Variants in SPATA9 observed in about 807,000 individuals in gnomAD.
SPATA9 encodes spermatogenesis associated 9.
SPATA9 carries 27 observed loss-of-function variants against 25.5 expected under a neutral mutation model. That is an observed-to-expected ratio of 1.06 (90% CI 0.78 to 1.46). The LOEUF is 1.46. Among genes scored for constraint, SPATA9 ranks in the 40% most tolerant of loss-of-function variants. SPATA9 has a pLI of 0.00. For missense variants in SPATA9, 282 were observed against 297.5 expected (o/e 0.95, Z 0.38); for synonymous variants, 102 against 105.7 (o/e 0.97, Z 0.21).
the SPATA9 span, among the ~76,000 whole-genome samples, chr5:95,720,625 T>C: frequency 1.3e-5 from 2 of 151,996 alleles, no homozygotes; most frequent in East Asian, 3.9e-4. Flanking sequence ...CAAAGTAAAC[T>C]CTGCTTTTTT....
chr5:95,659,168 A>G, intron 4 of SPATA9: 1 of 350,180 alleles, frequency 2.9e-6, no homozygotes, highest in Non-Finnish European at 5.1e-6. Context: ...TTTTCCCCCC[A>G]ATTCATTAGC....
downstream of SPATA9, chr5:95,656,661 A>G (rs1750784176): frequency 6.2e-6 from 1 of 161,634 alleles, no homozygotes; most frequent in Non-Finnish European, 1.3e-5. Context: ...AATTTTTAAA[A>G]TAGGAAAAAA....
At chr5:95,692,380 A>G (rs1753916114) in intron 1 of SPATA9, among the ~76,000 whole-genome samples, 2 of 152,154 alleles carry the variant, frequency 1.3e-5, no homozygotes, top group Non-Finnish European at 2.9e-5. Flanking sequence ...CAATTTGTAC[A>G]TTAAAATTTT....
At chr5:95,662,240 C>T (rs1238019476) in intron 4 of SPATA9, among the ~76,000 whole-genome samples, 1 of 151,990 alleles carries the variant, frequency 6.6e-6, no homozygotes, top group Non-Finnish European at 1.5e-5. Flanking sequence ...TGACTCTTAC[C>T]TCATATTAGT....
downstream of SPATA9, among the ~76,000 whole-genome samples, chr5:95,654,655 G>A (rs373687142): frequency 1.3e-5 from 2 of 151,872 alleles, no homozygotes; most frequent in Admixed American, 1.3e-4. Context: ...TTTAACAATC[G>A]GAAACTGGTT....
At chr5:95,683,750 G>A (rs1224688993), upstream of SPATA9, among the ~76,000 whole-genome samples, 4 of 152,048 alleles carry the variant, frequency 2.6e-5, no homozygotes, top group Non-Finnish European at 4.4e-5. Flanking sequence ...TGTTAGCTAG[G>A]ATGGTCTCCA....
chr5:95,718,934 G>A, the SPATA9 span, among the ~76,000 whole-genome samples: 1 of 152,186 alleles, frequency 6.6e-6, no homozygotes, highest in East Asian at 1.9e-4. Flanking sequence ...GCTTGTCCAA[G>A]TTGTTGGATA....
At chr5:95,708,272 A>G in the SPATA9 span, among the ~76,000 whole-genome samples, 1 of 152,194 alleles carries the variant, frequency 6.6e-6, no homozygotes, top group African/African-American at 2.4e-5. Flanking sequence ...TAGAGCAGTC[A>G]AAGGCCGGAT....
chr5:95,707,362 A>G, the SPATA9 span, among the ~76,000 whole-genome samples: 40 of 152,162 alleles, frequency 2.6e-4, no homozygotes, highest in African/African-American at 9.4e-4. Context: ...AGTTAGAAAA[A>G]TGCCACACTG....
At chr5:95,667,103 A>G (rs569305405) in intron 3 of SPATA9, among the ~76,000 whole-genome samples, 2 of 152,292 alleles carry the variant, frequency 1.3e-5, no homozygotes, top group East Asian at 1.9e-4. Flanking sequence ...CTTGTTTTCT[A>G]TATTTTCTAT....
chr5:95,702,931 T>C (rs542796086), upstream of SPATA9, among the ~76,000 whole-genome samples: 2 of 152,318 alleles, frequency 1.3e-5, no homozygotes, highest in African/African-American at 4.8e-5. Flanking sequence ...CTGCGGAACA[T>C]GCAGCACTTC....
At chr5:95,730,573 T>C in the SPATA9 span, among the ~76,000 whole-genome samples, 1 of 152,242 alleles carries the variant, frequency 6.6e-6, no homozygotes, top group Non-Finnish European at 1.5e-5. Flanking sequence ...TATTATTAAA[T>C]ATGTGGCCAT....
the SPATA9 span, among the ~76,000 whole-genome samples, chr5:95,725,277 G>A: frequency 2.0e-4 from 31 of 152,336 alleles, no homozygotes; most frequent in African/African-American, 6.3e-4. Context: ...AAATGATGAT[G>A]AATAAAAGAA....
the SPATA9 span, chr5:95,717,211 C>G: frequency 6.6e-6 from 1 of 152,232 alleles, no homozygotes; most frequent in South Asian, 2.1e-4. Flanking sequence ...AGATTGTCCT[C>G]CCTCAACCAA....
the SPATA9 span, among the ~76,000 whole-genome samples, chr5:95,724,408 T>C: frequency 6.6e-6 from 1 of 152,284 alleles, no homozygotes; most frequent in Non-Finnish European, 1.5e-5. Flanking sequence ...ACTGAAATTA[T>C]ATTTGGAAAA....
the SPATA9 span, chr5:95,730,929 G>T: frequency 2.2e-6 from 1 of 460,806 alleles, no homozygotes. Context: ...CAAGAGGGGG[G>T]GAAATCGGGT....
chr5:95,684,458 C>T (rs957967115), upstream of SPATA9: 10 of 152,350 alleles, frequency 6.6e-5, no homozygotes, highest in South Asian at 4.1e-4. Context: ...TTTCATCAGT[C>T]CTCTCCCTCC....
At chr5:95,655,006 T>A (rs1332248061), downstream of SPATA9, among the ~76,000 whole-genome samples, 2 of 152,210 alleles carry the variant, frequency 1.3e-5, no homozygotes, top group African/African-American at 4.8e-5. Flanking sequence ...CTTCCTTGGA[T>A]TCCAAAACTA....
At chr5:95,698,554 C>G (rs153913) in intron 1 of SPATA9, 87,263 of 151,912 alleles carry the variant, frequency 0.57, 25,283 homozygotes, top group East Asian at 0.8. Context: ...TCAGTCATAA[C>G]CATGCAGTTA....
Sources: gnomAD v4.1 joint callset for allele counts (sites outside exome capture counted in the v4.1 genomes callset) on GRCh38, gnomAD v4.1.1 for gene constraint, MANE v1.5 for transcripts, NCBI Gene and HGNC (gene_info 2026-07-23, HGNC 2026-07-21) for gene names.